Variants in MYZAP observed in about 807,000 individuals in gnomAD.
The protein encoded by MYZAP is myocardial zonula adherens protein, also known as GRINL1A complex locus upstream.
A neutral mutation model predicts 69.4 loss-of-function variants in MYZAP; 66 were observed. The ratio of observed to expected loss-of-function variants is 0.95; its 90% CI spans 0.78 to 1.17. The LOEUF (loss-of-function observed/expected upper bound fraction) is 1.17. Among genes scored for constraint, MYZAP ranks in the 50% most tolerant of loss-of-function variants. The probability of loss-of-function intolerance (pLI) is 0.00; values close to 1 mark genes in which losing one functional copy is unlikely to be tolerated. For synonymous variants in MYZAP, 256 were observed against 205.9 expected, an observed-to-expected ratio of 1.24 and a Z score of -2.09; for missense variants, 611 against 556.2, an observed-to-expected ratio of 1.10 and a Z score of -0.99.
rs1232989457 is a variant in MYZAP at position 57,637,712 on chromosome 15, A to G, written c.951A>G (p.Gln317=). Residue 317 remains glutamine, a synonymous_variant, in exon 9 of 13, where the codon CAA becomes CAG. Transcript: ENST00000267853. ...ERMEKERHQL[Q]LQLLEHETEM... is the part of the protein sequence containing the mutation. ...TGTTTTAGGAACGTCATCAACTGCA[A>G]CTTCAACTCCTAGAACATGAAACAG... The G allele has an allele frequency of 1.2e-6, 2 of 1,613,142 alleles. No homozygotes were observed. The highest frequency in any genetic ancestry group is 1.7e-6 in the Non-Finnish European group (2 of 1,179,570).
intron 2 of MYZAP, among the ~76,000 whole-genome samples, chr15:57,616,112 T>G (rs1351753639): frequency 3.3e-5 from 5 of 152,256 alleles, no homozygotes. Context: ...TCTTTGATTT[T>G]GCAAACTTTG....
At chr15:57,618,296 T>C in intron 3 of MYZAP, 108 bp downstream of exon 3, 1 of 1,473,860 alleles carries the variant, frequency 6.8e-7, no homozygotes, top group Admixed American at 2.3e-5. Context: ...TTGAAAGAAT[T>C]CTTAGTGTTA....
chr15:57,655,991 G>A (rs182104235), intron 10 of MYZAP, among the ~76,000 whole-genome samples: 265 of 152,286 alleles, frequency 1.7e-3, no homozygotes, highest in Non-Finnish European at 2.9e-3. Context: ...GGTAACTTGC[G>A]TCATTTACCA....
At chr15:57,618,260 C>G in intron 3 of MYZAP, 72 bp downstream of exon 3, 1 of 1,544,014 alleles carries the variant, frequency 6.5e-7, no homozygotes, top group Non-Finnish European at 8.7e-7. Context: ...GAGTTGGAAG[C>G]ATTGAAGTGA....
chr15:57,646,685 G>A (rs1396545668), intron 10 of MYZAP: 1 of 988,872 alleles, frequency 1.0e-6, no homozygotes, highest in Non-Finnish European at 1.2e-6. Flanking sequence ...CATGTGGTTT[G>A]GTTCTATTTG....
intron 6 of MYZAP, 46 bp downstream of exon 6, chr15:57,629,900 C>G (rs1230080133): frequency 4.4e-6 from 7 of 1,581,996 alleles, no homozygotes; most frequent in Non-Finnish European, 6.0e-6. Flanking sequence ...CTTTTCTCCT[C>G]TTTACTTCTC....
intron 5 of MYZAP, among the ~76,000 whole-genome samples, 171 bp downstream of exon 5, chr15:57,626,063 G>A (rs1209129700): frequency 4.6e-5 from 7 of 152,222 alleles, no homozygotes; most frequent in Non-Finnish European, 1.0e-4. Context: ...ACTGAAGGAA[G>A]CATTTCCAAG....
intron 11 of MYZAP, among the ~76,000 whole-genome samples, chr15:57,670,188 T>C (rs1222479940): frequency 6.6e-6 from 1 of 152,100 alleles, no homozygotes; most frequent in East Asian, 1.9e-4. Context: ...GTCCTATCAA[T>C]TGCCGAGAGA....
rs555742342 is a variant in MYZAP at position 57,632,590 on chromosome 15, T to TA, written c.804+32dup. ...TGTGTTGTAGCTGCCGATGTAAACT[T>TA]ACCGGGAATTGTTGGTTCATTATTG... On this transcript the variant is annotated intron_variant, in intron 7 of 12. Transcript: ENST00000267853. 1,417 of 1,612,032 alleles carry TA rather than the reference T, an allele frequency of 8.8e-4. 4 individuals carry two copies. Among genetic ancestry groups the TA allele is most frequent in the Admixed American group, 2.6e-3 (157 of 59,752 alleles).
chr15:57,596,399 C>G (rs1464557227), intron 1 of MYZAP, among the ~76,000 whole-genome samples: 1 of 152,142 alleles, frequency 6.6e-6, no homozygotes, highest in Non-Finnish European at 1.5e-5. Flanking sequence ...TAACTAGAGA[C>G]CATGTTAAAT....
intron 11 of MYZAP, among the ~76,000 whole-genome samples, chr15:57,670,212 CCCTT>C (rs1381769916): frequency 6.6e-6 from 1 of 151,972 alleles, no homozygotes; most frequent in Non-Finnish European, 1.5e-5. Context: ...GTGTTATAAT[CCCTT>C]ACCATGGTTT....
intron 11 of MYZAP, among the ~76,000 whole-genome samples, chr15:57,663,232 G>C (rs1310531232): frequency 6.6e-6 from 1 of 150,380 alleles, no homozygotes; most frequent in African/African-American, 2.5e-5. Context: ...TGGCTGTGCT[G>C]CTAAAGCAAG....
chr15:57,616,839 T>TTTTTTTTTC (rs1448918349), intron 2 of MYZAP, among the ~76,000 whole-genome samples: 2 of 140,196 alleles, frequency 1.4e-5, no homozygotes, highest in African/African-American at 5.5e-5. Flanking sequence ...TTTTTTTTTT[T>TTTTTTTTTC]TTTTTTTTGT....
intron 9 of MYZAP, among the ~76,000 whole-genome samples, chr15:57,638,545 C>A (rs2036950436): frequency 6.6e-6 from 1 of 152,182 alleles, no homozygotes; most frequent in Admixed American, 6.5e-5. Context: ...GCTTGCTAGT[C>A]ATTAACATAG....
At chr15:57,619,572 A>C (rs1352415999) in intron 3 of MYZAP, among the ~76,000 whole-genome samples, 1 of 152,166 alleles carries the variant, frequency 6.6e-6, no homozygotes, top group African/African-American at 2.4e-5. Context: ...GACTGGTCTC[A>C]AACTCCTGGA....
Position 57,591,954 on chromosome 15 carries a change from C to T in MYZAP, c.-81C>T, listed in dbSNP as rs982761890. The T allele has an allele frequency of 5.7e-6, 7 of 1,225,976 alleles. No individual in the cohort carries two copies. The highest frequency in any genetic ancestry group is 6.1e-6 in the Non-Finnish European group (6 of 976,036). 75.9% of individuals were successfully genotyped at this position (1,225,976 alleles called of 1,614,324 possible). A position where few individuals can be genotyped will look rare whatever the true frequency, so the allele number is the denominator to read the frequency against. ...GTAGCCGGCGCCGTCCCGCGTCGCC[C>T]CCGCGCAGGGCGGGCCCCGCACGCT... On this transcript the variant is annotated 5_prime_UTR_variant, in exon 1 of 13. Transcript: ENST00000267853.
chr15:57,673,189 C>A (rs2038949714), intron 11 of MYZAP, among the ~76,000 whole-genome samples: 1 of 152,142 alleles, frequency 6.6e-6, no homozygotes, highest in Admixed American at 6.6e-5. Flanking sequence ...CATTTGTCCT[C>A]CATTCACTGT....
intron 2 of MYZAP, among the ~76,000 whole-genome samples, chr15:57,606,525 A>AAACCAAACACC: frequency 7.0e-6 from 1 of 142,374 alleles, no homozygotes; most frequent in African/African-American, 2.6e-5. Context: ...ATTATATAAA[A>AAACCAAACACC]GATAGAGCAC....
In MYZAP at chr15:57,654,172, A is replaced by T. The variant is rs141936001; in HGVS notation, c.1120-7278A>T. ...GAACCCAAGGCACTGGAGCCACCTC[A>T]GCCTAATGGCCTCCCAATTAATTAT... is the stretch of plus-strand genomic sequence containing the variant. On this transcript the variant is annotated intron_variant, in intron 10 of 12. Coordinates refer to ENST00000267853, the MANE Select transcript of MYZAP (RefSeq NM_001018100.5). Among the ~76,000 whole-genome samples the T allele has an allele frequency of 1.8e-3, 272 of 152,222 alleles. 1 individual carries two copies. The highest frequency in any genetic ancestry group is 2.9e-3 in the Non-Finnish European group (196 of 68,016).
Sources: gnomAD v4.1 joint callset for allele counts (sites outside exome capture counted in the v4.1 genomes callset) on GRCh38, gnomAD v4.1.1 for gene constraint, MANE v1.5 for transcripts, NCBI Gene and HGNC (gene_info 2026-07-23, HGNC 2026-07-21) for gene names.